Variants in VSTM2L observed in about 807,000 individuals in gnomAD.
VSTM2L encodes V-set and transmembrane domain containing 2 like.
In VSTM2L, 9 loss-of-function variants were observed where a neutral mutation model predicts 19.9. The ratio of observed to expected loss-of-function variants is 0.45; its 90% CI spans 0.27 to 0.79. The LOEUF is 0.79. VSTM2L is among the 30% of genes least tolerant of loss of function. The pLI is 0.15. For missense variants in VSTM2L, 286 were observed against 295.5 expected, an observed-to-expected ratio of 0.97 and a Z score of 0.24; for synonymous variants, 127 against 133.8, an observed-to-expected ratio of 0.95 and a Z score of 0.35.
At chr20:37,904,669 G>A (rs143815864) in intron 1 of VSTM2L, among the ~76,000 whole-genome samples, 625 of 152,370 alleles carry the variant, frequency 4.1e-3, no homozygotes, top group Non-Finnish European at 7.4e-3. Context: ...GCCCAGGGCT[G>A]TGGGGAGGTT....
In VSTM2L at chr20:37,944,936, G is replaced by A. The variant is rs147932496; in HGVS notation, c.*683G>A. 1.8e-3 allele frequency: 1,793 copies of A among 985,914 alleles called. 29 individuals carry two copies. In the African/African-American group the frequency reaches 0.027, roughly 15 times the overall value. The allele number at this position is 985,914 out of a possible 1,614,324, so 61.1% of individuals were successfully genotyped here. A position where few individuals can be genotyped will look rare whatever the true frequency, so the allele number is the denominator to read the frequency against. On this transcript the variant is annotated 3_prime_UTR_variant, in exon 4 of 4. Transcript: ENST00000373461. ...TCACACGGCGAGTCAGAAGGGAGGG[G>A]CCTTTCCCTCGGACCCATGGCCCCA... is the stretch of plus-strand genomic sequence containing the variant.
At position 37,903,388 on chromosome 20, in the gene VSTM2L, A is replaced by T. The variant is rs977469224; in HGVS notation, c.38A>T (p.His13Leu). ...CTCGCCGTAGCGCTGGGCGCCCTCC[A>T]CTACCTGGCACTTTTCCTGCAACTC... Reference protein sequence around the residue: ...APLAVALGALHYLALFLQLGG... With the variant: ...APLAVALGALLYLALFLQLGG... Residue 13 changes from histidine to leucine, a missense_variant, in exon 1 of 4, where the codon CAC (histidine) becomes CTC (leucine). Transcript: ENST00000373461. The T allele has an allele frequency of 1.1e-4, 159 of 1,486,780 alleles. 1 individual carries two copies. The highest frequency in any genetic ancestry group is 1.3e-4 in the Non-Finnish European group (148 of 1,124,856). 92.1% of individuals were successfully genotyped at this position (1,486,780 alleles called of 1,614,324 possible). A position where few individuals can be genotyped will look rare whatever the true frequency, so the allele number is the denominator to read the frequency against.
intron 1 of VSTM2L, among the ~76,000 whole-genome samples, chr20:37,921,838 C>CTTTTTTTTT (rs756122087): frequency 3.3e-5 from 3 of 91,774 alleles, no homozygotes; most frequent in Admixed American, 1.2e-4. Context: ...CTTTCTTTTC[C>CTTTTTTTTT]TTTTTTTTTT....
At chr20:37,906,954 C>T (rs1568832780) in intron 1 of VSTM2L, among the ~76,000 whole-genome samples, 1 of 152,156 alleles carries the variant, frequency 6.6e-6, no homozygotes, top group Non-Finnish European at 1.5e-5. Flanking sequence ...TTGTGAAGAT[C>T]TCTGTAGACC....
In VSTM2L at chr20:37,914,117, GTGTGTGTGTGCGCGCACGAA is replaced by G. The variant is rs756051576; in HGVS notation, c.121+10659_121+10678del. On this transcript the variant is annotated intron_variant, in intron 1 of 3. Transcript: ENST00000373461. ...TGGGATCAGAAAAAGAGGGAATTGT[GTGTGTGTGTGCGCGCACGAA>G]TGTGTGTGTGCGTGTGTGTATGTGT... Among the ~76,000 whole-genome samples the G allele has an allele frequency of 1.7e-4, 26 of 151,866 alleles. 1 individual carries two copies. Among genetic ancestry groups the G allele is most frequent in the Non-Finnish European group, 3.8e-4 (26 of 67,946 alleles).
intron 1 of VSTM2L, among the ~76,000 whole-genome samples, chr20:37,917,588 A>G (rs1052076280): frequency 4.6e-5 from 7 of 152,248 alleles, no homozygotes; most frequent in African/African-American, 1.7e-4. Flanking sequence ...ACCAGAGCTC[A>G]GAGTAGTGAA....
chr20:37,932,079 G>A (rs974913797), intron 2 of VSTM2L, among the ~76,000 whole-genome samples: 4 of 152,168 alleles, frequency 2.6e-5, no homozygotes, highest in African/African-American at 4.8e-5. Flanking sequence ...GCCTCCCTTC[G>A]GGGTACAGGT....
intron 3 of VSTM2L, 123 bp from the exon 4 acceptor site, chr20:37,943,858 G>A: frequency 9.6e-7 from 1 of 1,041,540 alleles, no homozygotes; most frequent in Non-Finnish European, 1.3e-6. Flanking sequence ...ACCTCGGTGG[G>A]CCCTTGTGGG....
intron 3 of VSTM2L, among the ~76,000 whole-genome samples, chr20:37,934,134 G>A (rs1279234261): frequency 4.6e-5 from 7 of 152,362 alleles, no homozygotes; most frequent in African/African-American, 1.2e-4. Flanking sequence ...GGAGGTCAGG[G>A]ACTTGCCAGA....
At chr20:37,927,855 C>T (rs1423443019) in intron 1 of VSTM2L, among the ~76,000 whole-genome samples, 1 of 152,300 alleles carries the variant, frequency 6.6e-6, no homozygotes, top group East Asian at 1.9e-4. Context: ...CTCCCGTGCC[C>T]CCGCCCACCA....
chr20:37,903,250 CG>C lies in VSTM2L; in HGVS notation c.-98del. 1 of 1,233,094 alleles carries C rather than the reference CG, an allele frequency of 8.1e-7. No homozygotes were observed. Among genetic ancestry groups the C allele is most frequent in the African/African-American group, 1.6e-5 (1 of 63,534 alleles). The allele number at this position is 1,233,094 out of a possible 1,614,324, so 76.4% of individuals were successfully genotyped here. On this transcript the variant is annotated 5_prime_UTR_variant, in exon 1 of 4. Transcript: ENST00000373461. ...GCGGGCGAGGGGCAGCTGCCGGAGC[CG>C]GGCAGCCAGGCCGCTCAGGGCAGGG...
At position 37,945,079 on chromosome 20, in the gene VSTM2L, C is replaced by T; in HGVS notation, c.*826C>T. On this transcript the variant is annotated 3_prime_UTR_variant, in exon 4 of 4. Coordinates refer to ENST00000373461, the MANE Select transcript of VSTM2L (RefSeq NM_080607.3). ...CTTGGGTCCTGTGCCAAGTCCGCCCCAGGGCCTGGGGCTGTTGGGAGCCAA... is the reference window on the plus strand; with the variant it reads ...CTTGGGTCCTGTGCCAAGTCCGCCCTAGGGCCTGGGGCTGTTGGGAGCCAA... The T allele has an allele frequency of 2.0e-6, 2 of 985,846 alleles. No homozygotes were observed. Among genetic ancestry groups the T allele is most frequent in the Non-Finnish European group, 2.4e-6 (2 of 829,928 alleles). The allele number at this position is 985,846 out of a possible 1,614,324, so 61.1% of individuals were successfully genotyped here.
intron 1 of VSTM2L, among the ~76,000 whole-genome samples, chr20:37,918,781 T>C (rs2072834218): frequency 6.6e-6 from 1 of 152,120 alleles, no homozygotes; most frequent in South Asian, 2.1e-4. Context: ...TCAGTCAGCC[T>C]TCAGGTCCAA....
At chr20:37,914,375 TGG>T in intron 1 of VSTM2L, among the ~76,000 whole-genome samples, 3 of 149,908 alleles carry the variant, frequency 2.0e-5, no homozygotes, top group Non-Finnish European at 4.5e-5. Flanking sequence ...TATATGTGTG[TGG>T]GTGTATGTGT....
chr20:37,924,064 C>G (rs1412359585), intron 1 of VSTM2L, among the ~76,000 whole-genome samples: 1 of 152,026 alleles, frequency 6.6e-6, no homozygotes, highest in Non-Finnish European at 1.5e-5. Context: ...TAGCGAGACC[C>G]TGTCTCTACA....
chr20:37,924,446 C>G (rs937592600), intron 1 of VSTM2L, among the ~76,000 whole-genome samples: 8 of 149,536 alleles, frequency 5.3e-5, no homozygotes, highest in Admixed American at 4.7e-4. Flanking sequence ...CCAAGCTACT[C>G]GAGAGGCTGA....
chr20:37,937,185 C>A (rs1428231154), intron 3 of VSTM2L, among the ~76,000 whole-genome samples: 1 of 152,086 alleles, frequency 6.6e-6, no homozygotes, highest in East Asian at 1.9e-4. Context: ...CGCACCACTG[C>A]TCTCATAAGG....
At chr20:37,917,462 C>T (rs1444163714) in intron 1 of VSTM2L, among the ~76,000 whole-genome samples, 1 of 152,214 alleles carries the variant, frequency 6.6e-6, no homozygotes, top group East Asian at 1.9e-4. Context: ...GTGGGTTCCA[C>T]CAGGGAACAG....
chr20:37,936,171 C>T (rs2072938765), intron 3 of VSTM2L, among the ~76,000 whole-genome samples: 1 of 151,724 alleles, frequency 6.6e-6, no homozygotes, highest in South Asian at 2.1e-4. Context: ...GTTGGGATTA[C>T]AGGCATGAGG....
Sources: gnomAD v4.1 joint callset for allele counts (sites outside exome capture counted in the v4.1 genomes callset) on GRCh38, gnomAD v4.1.1 for gene constraint, MANE v1.5 for transcripts, NCBI Gene and HGNC (gene_info 2026-07-23, HGNC 2026-07-21) for gene names.